FOXN3: variants seen among roughly 807,000 people sequenced by gnomAD.
FOXN3 encodes forkhead box N3, also known as forkhead box protein N3.
A neutral mutation model predicts 38.4 loss-of-function variants in FOXN3; 7 were observed. The observed-to-expected ratio is 0.18, with a 90% CI of 0.10 to 0.34. FOXN3 has a LOEUF of 0.34. Among genes scored for constraint, FOXN3 ranks in the 10% least tolerant of loss-of-function variants. The pLI is 1.00. For missense variants in FOXN3, 456 were observed against 613.4 expected (o/e 0.74, Z 2.71); for synonymous variants, 230 against 242.2 (o/e 0.95, Z 0.47).
chr14:89,342,382 C>A (rs1439854059), intron 3 of FOXN3, among the ~76,000 whole-genome samples: 1 of 152,144 alleles, frequency 6.6e-6, no homozygotes, highest in Non-Finnish European at 1.5e-5. Flanking sequence ...AGGATTGACT[C>A]AGAATTAAAC....
At chr14:89,351,690 C>G (rs374256513) in intron 2 of FOXN3, among the ~76,000 whole-genome samples, 3 of 152,358 alleles carry the variant, frequency 2.0e-5, no homozygotes, top group Admixed American at 6.5e-5. Context: ...TGTACCCAAA[C>G]TGTTTGATAA....
intron 4 of FOXN3, chr14:89,230,749 T>C (rs1566934605): frequency 2.6e-6 from 1 of 385,124 alleles, no homozygotes; most frequent in African/African-American, 2.1e-5. Context: ...ACACTCTTTA[T>C]TAAATAAATA....
At chr14:89,204,647 C>T (rs1476467647) in intron 4 of FOXN3, among the ~76,000 whole-genome samples, 1 of 152,212 alleles carries the variant, frequency 6.6e-6, no homozygotes, top group Non-Finnish European at 1.5e-5. Context: ...GGGCCCTTCA[C>T]CTACTGTCTG....
intron 1 of FOXN3, among the ~76,000 whole-genome samples, chr14:89,481,407 C>T (rs1458669756): frequency 6.6e-6 from 1 of 152,018 alleles, no homozygotes; most frequent in African/African-American, 2.4e-5. Flanking sequence ...AGTGACTTCC[C>T]GGCTCGTCTT....
At position 89,523,305 on chromosome 14, in the gene FOXN3, AACAG is replaced by A. The variant is rs368011852; in HGVS notation, c.-15+95719_-15+95722del. On this transcript the variant is annotated intron_variant, in intron 1 of 6. Coordinates refer to the FOXN3 transcript ENST00000345097. ...CCTTCTCTAGGTACCTGATAGAACA[AACAG>A]ACAATCAGTAAGGATATAGAAGACT... Among the ~76,000 whole-genome samples the A allele has an allele frequency of 3.1e-3, 474 of 152,292 alleles. 5 individuals are homozygous for A. Among genetic ancestry groups the A allele is most frequent in the African/African-American group, 0.011 (453 of 41,568 alleles).
At chr14:89,545,323 G>A (rs1336042499) in intron 1 of FOXN3, among the ~76,000 whole-genome samples, 1 of 152,208 alleles carries the variant, frequency 6.6e-6, no homozygotes, top group South Asian at 2.1e-4. Flanking sequence ...TCGATACGGG[G>A]GCCACCAGAG....
At chr14:89,241,755 C>T (rs1314514583) in intron 4 of FOXN3, among the ~76,000 whole-genome samples, 1 of 152,160 alleles carries the variant, frequency 6.6e-6, no homozygotes, top group Admixed American at 6.5e-5. Context: ...GCACGTGGAA[C>T]CCTGGAGAAG....
At chr14:89,388,728 T>A (rs7161301) in intron 2 of FOXN3, among the ~76,000 whole-genome samples, 63 of 151,242 alleles carry the variant, frequency 4.2e-4, no homozygotes, top group African/African-American at 1.4e-3. Context: ...CCCTGATAAA[T>A]AAGGTGCCAG....
At chr14:89,601,688 TG>T (rs2139939951) in intron 1 of FOXN3, among the ~76,000 whole-genome samples, 1 of 152,298 alleles carries the variant, frequency 6.6e-6, no homozygotes, top group Non-Finnish European at 1.5e-5. Flanking sequence ...AACACTGGCC[TG>T]GAGACAGGTC....
At chr14:89,233,210 C>T (rs935000546) in intron 4 of FOXN3, among the ~76,000 whole-genome samples, 41 of 152,208 alleles carry the variant, frequency 2.7e-4, no homozygotes, top group African/African-American at 9.2e-4. Context: ...CATGAACCTA[C>T]CCGGCATCCC....
intron 1 of FOXN3, among the ~76,000 whole-genome samples, chr14:89,447,358 T>A (rs980983243): frequency 6.6e-6 from 1 of 152,142 alleles, no homozygotes; most frequent in East Asian, 1.9e-4. Flanking sequence ...ACGCCTAGTT[T>A]TCTCCACAGA....
intron 1 of FOXN3, among the ~76,000 whole-genome samples, chr14:89,487,834 T>C (rs180682622): frequency 6.6e-6 from 1 of 152,192 alleles, no homozygotes; most frequent in East Asian, 1.9e-4. Context: ...TGTTTCTGTT[T>C]GGGGTGAGGA....
At chr14:89,492,625 T>C (rs1893604420) in intron 1 of FOXN3, among the ~76,000 whole-genome samples, 1 of 151,910 alleles carries the variant, frequency 6.6e-6, no homozygotes, top group South Asian at 2.1e-4. Flanking sequence ...GGCAGAAGGA[T>C]CGCTAGAGCC....
At chr14:89,527,056 G>A (rs1421000833) in intron 1 of FOXN3, among the ~76,000 whole-genome samples, 1 of 150,982 alleles carries the variant, frequency 6.6e-6, no homozygotes, top group African/African-American at 2.4e-5. Context: ...GAGGGGAGGA[G>A]AGGAGGAGGA....
chr14:89,287,635 T>C (rs964287362), intron 3 of FOXN3, among the ~76,000 whole-genome samples: 5 of 152,128 alleles, frequency 3.3e-5, no homozygotes, highest in Non-Finnish European at 5.9e-5. Context: ...TTTCCTTTTT[T>C]CTTTAAGGAT....
intron 3 of FOXN3, among the ~76,000 whole-genome samples, chr14:89,336,137 TACACACACACAC>T (rs34950734): frequency 3.6e-4 from 50 of 140,132 alleles, no homozygotes; most frequent in African/African-American, 6.0e-4. Flanking sequence ...AAGTGATCCT[TACACACACACAC>T]ACACACACAC....
At chr14:89,177,997 G>A (rs1887567845) in intron 5 of FOXN3, among the ~76,000 whole-genome samples, 1 of 152,040 alleles carries the variant, frequency 6.6e-6, no homozygotes, top group African/African-American at 2.4e-5. Flanking sequence ...CTGGTTCACA[G>A]CTTTGCTTTC....
At chr14:89,612,378 G>A (rs1896409882) in intron 1 of FOXN3, among the ~76,000 whole-genome samples, 1 of 152,104 alleles carries the variant, frequency 6.6e-6, no homozygotes, top group Admixed American at 6.5e-5. Flanking sequence ...CTAGTCACAA[G>A]AAAAAACATG....
chr14:89,363,947 AATATATAT>A (rs67802765), intron 2 of FOXN3, among the ~76,000 whole-genome samples: 2,738 of 111,168 alleles, frequency 0.025, 82 homozygotes, highest in East Asian at 0.044. Context: ...CTGTCTGTAA[AATATATAT>A]ATATATATAT....
Sources: allele counts gnomAD v4.1 joint callset (sites outside exome capture counted in the v4.1 genomes callset), GRCh38; gene constraint gnomAD v4.1.1; transcripts MANE v1.5; gene names NCBI Gene and HGNC (gene_info 2026-07-23, HGNC 2026-07-21).